Variants in MKLN1 observed in about 807,000 individuals in gnomAD.
MKLN1 encodes the protein muskelin 1, also known as muskelin.
In MKLN1, 18 loss-of-function variants were observed where a neutral mutation model predicts 99.0. The observed-to-expected ratio is 0.18, with a 90% CI of 0.13 to 0.27. The LOEUF (loss-of-function observed/expected upper bound fraction) is 0.27. Among genes scored for constraint, MKLN1 ranks in the 10% least tolerant of loss-of-function variants. The pLI is 1.00. For missense variants in MKLN1, 621 were observed against 875.9 expected (o/e 0.71, Z 3.67); for synonymous variants, 288 against 293.2 (o/e 0.98, Z 0.18).
intron 2 of MKLN1, among the ~76,000 whole-genome samples, chr7:131,144,208 G>C (rs1030056783): frequency 2.0e-5 from 3 of 151,984 alleles, no homozygotes; most frequent in Admixed American, 6.6e-5. Flanking sequence ...TTTTCTTTTG[G>C]CCGGGCTCAG....
rs571930227 is a variant in MKLN1 at position 131,134,125 on chromosome 7, C to T, written c.-418-8695C>T. 3.5e-4 allele frequency among the ~76,000 whole-genome samples: 54 copies of T among 152,200 alleles called. 1 individual carries two copies. The highest frequency in any genetic ancestry group is 1.2e-3 in the African/African-American group (51 of 41,536). ...GATTACAGGCATGAGCCAACGCGCCCGGCCAGCTGACTTCTAATTCTCTAG... is the reference window on the plus strand; with the variant it reads ...GATTACAGGCATGAGCCAACGCGCCTGGCCAGCTGACTTCTAATTCTCTAG... On this transcript the variant is annotated intron_variant, in intron 1 of 7. Transcript: ENST00000416992.
intron 1 of MKLN1, among the ~76,000 whole-genome samples, chr7:131,337,806 A>G (rs1799294271): frequency 6.6e-6 from 1 of 151,420 alleles, no homozygotes; most frequent in Admixed American, 6.6e-5. Flanking sequence ...CATGTGGATA[A>G]TAACATAATA....
At chr7:131,200,926 T>C (rs1796717678) in intron 2 of MKLN1, among the ~76,000 whole-genome samples, 1 of 152,256 alleles carries the variant, frequency 6.6e-6, no homozygotes. Context: ...TTTGTTTTAC[T>C]GTTATTGTAT....
chr7:131,364,732 T>G (rs1800128210), intron 1 of MKLN1, among the ~76,000 whole-genome samples: 1 of 152,182 alleles, frequency 6.6e-6, no homozygotes, highest in Non-Finnish European at 1.5e-5. Flanking sequence ...ATACGGTAGT[T>G]GTGCTGAGGA....
rs1348969266 is a variant in MKLN1, at chr7:131,200,892, G to T, written c.-296-1965G>T. On this transcript the variant is annotated intron_variant, in intron 2 of 7. Coordinates refer to the MKLN1 transcript ENST00000416992. ...TGATGCTTATGTGTATCAAGCAATA[G>T]ATTAAAGCCAGTGCCACTGCTACTT... Among the ~76,000 whole-genome samples, 3 of 152,204 alleles carry T rather than the reference G, an allele frequency of 2.0e-5. 1 individual carries two copies. The highest frequency in any genetic ancestry group is 2.0e-4 in the Admixed American group (3 of 15,274).
intron 12 of MKLN1, among the ~76,000 whole-genome samples, chr7:131,450,880 C>A (rs1796158321): frequency 6.6e-6 from 1 of 152,164 alleles, no homozygotes; most frequent in Admixed American, 6.5e-5. Flanking sequence ...CTTGACTGTG[C>A]TTTTCAAAAC....
intron 3 of MKLN1, among the ~76,000 whole-genome samples, chr7:131,223,472 A>G (rs566115769): frequency 2.0e-5 from 3 of 152,336 alleles, no homozygotes; most frequent in African/African-American, 7.2e-5. Flanking sequence ...ACAGGAAGTT[A>G]GGATGAGCTT....
At chr7:131,485,362 T>A (rs866035327) in intron 17 of MKLN1, among the ~76,000 whole-genome samples, 1 of 152,068 alleles carries the variant, frequency 6.6e-6, no homozygotes, top group Non-Finnish European at 1.5e-5. Context: ...CAATAGAATG[T>A]CAACAACTGT....
intron 2 of MKLN1, among the ~76,000 whole-genome samples, chr7:131,155,373 T>C (rs2116297092): frequency 6.6e-6 from 1 of 152,322 alleles, no homozygotes; most frequent in East Asian, 1.9e-4. Flanking sequence ...AAACTTAATG[T>C]ATTCCTTATA....
chr7:131,267,151 G>A (rs1473935161), intron 3 of MKLN1, among the ~76,000 whole-genome samples: 2 of 151,706 alleles, frequency 1.3e-5, no homozygotes, highest in African/African-American at 4.8e-5. Context: ...TGGCCAACAT[G>A]GTGAAACCCC....
chr7:131,315,985 C>T (rs527601685), intron 3 of MKLN1, among the ~76,000 whole-genome samples: 3 of 152,354 alleles, frequency 2.0e-5, no homozygotes, highest in Admixed American at 6.5e-5. Flanking sequence ...GTGGGCACAG[C>T]TTCAGCAGCC....
In MKLN1 at chr7:131,216,018, A is replaced by G. The variant is rs1476612858; in HGVS notation, c.-179+13044A>G. Reference sequence around the variant, plus strand: ...TTAAGGAGTCTAGACGCCCCATTCTAGCATCCCCTGCCTCTTTTCAGACCT... The same window carrying G: ...TTAAGGAGTCTAGACGCCCCATTCTGGCATCCCCTGCCTCTTTTCAGACCT... On this transcript the variant is annotated intron_variant, in intron 3 of 7. Coordinates refer to the MKLN1 transcript ENST00000416992. Among the ~76,000 whole-genome samples, 4 of 152,128 alleles carry G rather than the reference A, an allele frequency of 2.6e-5. No homozygotes were observed. In the East Asian group the frequency reaches 7.7e-4, roughly 29 times the overall value.
rs191595187 is a variant in MKLN1, at chr7:131,224,929, T to C, written c.-179+21955T>C. ...TCTACTAAAAATACAAAAAATTAGC[T>C]GGGCATGGTGGCAGGCACCTGTAGT... is the stretch of plus-strand genomic sequence containing the variant. On this transcript the variant is annotated intron_variant, in intron 3 of 7. Coordinates refer to the MKLN1 transcript ENST00000416992. 4.6e-3 allele frequency among the ~76,000 whole-genome samples: 678 copies of C among 148,842 alleles called. 8 individuals carry two copies. Among genetic ancestry groups the C allele is most frequent in the African/African-American group, 0.016 (638 of 40,292 alleles).
intron 2 of MKLN1, among the ~76,000 whole-genome samples, chr7:131,146,625 A>G (rs1452010454): frequency 1.3e-5 from 2 of 152,210 alleles, no homozygotes; most frequent in African/African-American, 4.8e-5. Flanking sequence ...AGAATGAACA[A>G]ATGCAACAAA....
At chr7:131,369,441 A>G (rs1179921034) in intron 1 of MKLN1, among the ~76,000 whole-genome samples, 6 of 152,160 alleles carry the variant, frequency 3.9e-5, no homozygotes, top group African/African-American at 1.2e-4. Context: ...TTCTTTTTCC[A>G]TGACACAGAC....
intron 17 of MKLN1, among the ~76,000 whole-genome samples, chr7:131,485,698 C>G (rs1797252488): frequency 6.6e-6 from 1 of 152,028 alleles, no homozygotes. Flanking sequence ...GCCAAAACTG[C>G]ATAAACTGAA....
At chr7:131,297,448 G>C (rs949214521) in intron 3 of MKLN1, among the ~76,000 whole-genome samples, 38 of 151,178 alleles carry the variant, frequency 2.5e-4, no homozygotes, top group African/African-American at 8.5e-4. Flanking sequence ...CACACACACA[G>C]ACAGTATTTG....
chr7:131,297,446 C>G (rs982644539), intron 3 of MKLN1, among the ~76,000 whole-genome samples: 2 of 151,646 alleles, frequency 1.3e-5, no homozygotes, highest in Admixed American at 6.6e-5. Context: ...CACACACACA[C>G]AGACAGTATT....
intron 1 of MKLN1, among the ~76,000 whole-genome samples, chr7:131,332,565 A>G (rs185618333): frequency 2.0e-3 from 295 of 151,278 alleles, no homozygotes; most frequent in African/African-American, 6.9e-3. Context: ...AACAAAATTT[A>G]AATTACCCTT....
Sources: gnomAD v4.1 joint callset for allele counts (sites outside exome capture counted in the v4.1 genomes callset) on GRCh38, gnomAD v4.1.1 for gene constraint, MANE v1.5 for transcripts, NCBI Gene and HGNC (gene_info 2026-07-23, HGNC 2026-07-21) for gene names.